The following DLG2 variants were observed in gnomAD, a reference collection of about 807,000 sequenced individuals.
DLG2 encodes the protein disks large homolog 2.
DLG2 carries 45 observed loss-of-function variants against 132.5 expected under a neutral mutation model. The ratio of observed to expected loss-of-function variants is 0.34; its 90% CI spans 0.27 to 0.44. The LOEUF is 0.44. DLG2 is among the 20% of genes least tolerant of loss of function. The probability of loss-of-function intolerance (pLI) is 1.00; values close to 1 mark genes in which losing one functional copy is unlikely to be tolerated. For synonymous variants in DLG2, 424 were observed against 419.6 expected (o/e 1.01, Z -0.13); for missense variants, 1,045 against 1,196.9 (o/e 0.87, Z 1.87).
In DLG2 at chr11:84,376,535, G is replaced by A. The variant is rs75441689; in HGVS notation, c.520-125244C>T. Among the ~76,000 whole-genome samples the A allele has an allele frequency of 3.0e-3, 459 of 151,864 alleles. 15 individuals carry two copies. In the East Asian group the frequency reaches 0.07, roughly 23 times the overall value. On this transcript the variant is annotated intron_variant, in intron 7 of 27. Coordinates refer to ENST00000376104, the MANE Select transcript of DLG2 (RefSeq NM_001142699.3). ...ATCTACTCTTGTGTCCATATGGAAGGTACTTATATTCTAGAAAAAGCCAAG... is the reference window on the plus strand; with the variant it reads ...ATCTACTCTTGTGTCCATATGGAAGATACTTATATTCTAGAAAAAGCCAAG...
rs1189423559 is a variant in DLG2, at chr11:83,611,792, A to G, written c.1940+21419T>C. 2.6e-5 allele frequency among the ~76,000 whole-genome samples: 4 copies of G among 152,196 alleles called. No homozygotes were observed. The East Asian group carries it at 7.7e-4, about 29-fold the overall frequency. On this transcript the variant is annotated intron_variant, in intron 19 of 27. Transcript: ENST00000376104. ...TGATACTGAACTGAAGGACGGGAAC[A>G]GGGGACACTGAGGGCTTGTTGCCAG...
At chr11:83,780,664 GGA>G (rs2094776526) in intron 18 of DLG2, among the ~76,000 whole-genome samples, 2 of 152,162 alleles carry the variant, frequency 1.3e-5, no homozygotes, top group African/African-American at 4.8e-5. Context: ...CACTAGCTGA[GGA>G]GTTCTAGCAA....
At chr11:84,058,419 G>A (rs1224188375) in intron 11 of DLG2, among the ~76,000 whole-genome samples, 1 of 151,294 alleles carries the variant, frequency 6.6e-6, no homozygotes, top group African/African-American at 2.4e-5. Context: ...ACTTTGGGAG[G>A]CCAAAGCAGG....
intron 3 of DLG2, among the ~76,000 whole-genome samples, chr11:85,529,682 G>C (rs1167724140): frequency 1.3e-5 from 2 of 151,990 alleles, no homozygotes; most frequent in Non-Finnish European, 2.9e-5. Context: ...CTATATTAAA[G>C]TTTCTTAATC....
At chr11:84,258,703 T>A (rs961728611) in intron 7 of DLG2, among the ~76,000 whole-genome samples, 4 of 152,334 alleles carry the variant, frequency 2.6e-5, no homozygotes, top group Admixed American at 2.0e-4. Flanking sequence ...CATGTCTTTC[T>A]AACCCCAGAG....
intron 4 of DLG2, among the ~76,000 whole-genome samples, chr11:85,282,068 C>T (rs767409182): frequency 6.6e-6 from 1 of 151,528 alleles, no homozygotes; most frequent in Non-Finnish European, 1.5e-5. Context: ...TTTGCAACAA[C>T]ATGGATGGAA....
chr11:84,736,027 G>T (rs1028586524), intron 6 of DLG2, among the ~76,000 whole-genome samples: 3 of 151,844 alleles, frequency 2.0e-5, no homozygotes, highest in Admixed American at 6.6e-5. Flanking sequence ...TAGAGGTTTT[G>T]TAGTTTTACA....
intron 6 of DLG2, among the ~76,000 whole-genome samples, chr11:84,795,607 A>G (rs933162728): frequency 3.9e-5 from 6 of 152,148 alleles, no homozygotes; most frequent in African/African-American, 1.4e-4. Context: ...AGGACCCACC[A>G]AATTGTGGAG....
intron 4 of DLG2, among the ~76,000 whole-genome samples, chr11:85,222,697 G>T (rs898488356): frequency 6.6e-6 from 1 of 152,172 alleles, no homozygotes; most frequent in Non-Finnish European, 1.5e-5. Flanking sequence ...TGCTATGTTT[G>T]TTCTTGAGAT....
chr11:85,426,279 G>A (rs951722614), intron 3 of DLG2, among the ~76,000 whole-genome samples: 4 of 152,202 alleles, frequency 2.6e-5, no homozygotes, highest in Non-Finnish European at 2.9e-5. Flanking sequence ...GAAGAGAGTA[G>A]TGGTTCTCCC....
At chr11:83,936,013 G>A (rs2056691055) in intron 14 of DLG2, among the ~76,000 whole-genome samples, 1 of 152,186 alleles carries the variant, frequency 6.6e-6, no homozygotes, top group Non-Finnish European at 1.5e-5. Flanking sequence ...CCAAAAAGGA[G>A]CCATTATTAT....
At chr11:85,151,748 T>C (rs1349477700) in intron 5 of DLG2, among the ~76,000 whole-genome samples, 8 of 152,234 alleles carry the variant, frequency 5.3e-5, no homozygotes, top group Admixed American at 5.2e-4. Flanking sequence ...GATGAATATA[T>C]CTGTCTTTAT....
chr11:85,026,087 T>C (rs1009555108), intron 6 of DLG2, among the ~76,000 whole-genome samples: 6 of 152,026 alleles, frequency 3.9e-5, no homozygotes, highest in African/African-American at 1.4e-4. Context: ...ATAATTTAAA[T>C]ATCAGAAGCC....
intron 6 of DLG2, among the ~76,000 whole-genome samples, chr11:84,633,952 G>A (rs1179952777): frequency 6.6e-6 from 1 of 152,120 alleles, no homozygotes; most frequent in African/African-American, 2.4e-5. Flanking sequence ...TGCAATAACT[G>A]GAACAGGATA....
chr11:85,436,069 C>G (rs910484065), intron 3 of DLG2, among the ~76,000 whole-genome samples: 6 of 152,146 alleles, frequency 3.9e-5, no homozygotes, highest in Admixed American at 3.9e-4. Flanking sequence ...GTAAAGGATT[C>G]TCTGTTTAAT....
intron 6 of DLG2, among the ~76,000 whole-genome samples, chr11:84,609,512 T>C (rs531330736): frequency 6.6e-6 from 1 of 152,224 alleles, no homozygotes; most frequent in African/African-American, 2.4e-5. Context: ...TGAACTCCAG[T>C]TAAGGTCAAC....
At chr11:83,803,304 A>AG (rs1287577322) in intron 17 of DLG2, among the ~76,000 whole-genome samples, 3 of 152,016 alleles carry the variant, frequency 2.0e-5, no homozygotes, top group African/African-American at 4.8e-5. Flanking sequence ...TCTATTTGTG[A>AG]GGGGGGATGG....
intron 6 of DLG2, among the ~76,000 whole-genome samples, chr11:85,096,804 A>T (rs2069885173): frequency 6.6e-6 from 1 of 152,080 alleles, no homozygotes; most frequent in South Asian, 2.1e-4. Context: ...TAAATACCAG[A>T]CACCTGTCGA....
chr11:84,067,085 G>A (rs535746770), intron 10 of DLG2, among the ~76,000 whole-genome samples: 1 of 152,100 alleles, frequency 6.6e-6, no homozygotes, highest in African/African-American at 2.4e-5. Context: ...CTGTAATCCC[G>A]GTGCTTTGGG....
Sources: allele counts gnomAD v4.1 joint callset (sites outside exome capture counted in the v4.1 genomes callset), GRCh38; gene constraint gnomAD v4.1.1; transcripts MANE v1.5; gene names NCBI Gene and HGNC (gene_info 2026-07-23, HGNC 2026-07-21).